Variants in MLYCD observed in about 807,000 individuals in gnomAD.
MLYCD encodes malonyl-CoA decarboxylase, mitochondrial.
MLYCD carries 27 observed loss-of-function variants against 35.8 expected under a neutral mutation model. The ratio of observed to expected loss-of-function variants is 0.75; its 90% CI spans 0.56 to 1.04. The LOEUF is 1.04. Ranked by LOEUF, MLYCD falls within the 50% of genes least tolerant of loss-of-function variation. The pLI, the probability that MLYCD is intolerant of heterozygous loss-of-function variation, is 0.00. For synonymous variants in MLYCD, 403 were observed against 302.4 expected, an observed-to-expected ratio of 1.33 and a Z score of -3.45; for missense variants, 917 against 665.1, an observed-to-expected ratio of 1.38 and a Z score of -4.17.
intron 1 of MLYCD, among the ~76,000 whole-genome samples, chr16:83,904,197 C>T (rs72791522): frequency 0.16 from 24,679 of 151,970 alleles, 2,602 homozygotes; most frequent in African/African-American, 0.31. Flanking sequence ...TTTCATATCA[C>T]GAATGTAAGA....
At chr16:83,911,205 C>G (rs1039325804) in intron 3 of MLYCD, among the ~76,000 whole-genome samples, 1 of 152,134 alleles carries the variant, frequency 6.6e-6, no homozygotes, top group Non-Finnish European at 1.5e-5. Context: ...GTCTCGATCT[C>G]CTGACCTCGT....
intron 3 of MLYCD, chr16:83,911,543 G>C (rs886374077): frequency 6.5e-6 from 1 of 153,936 alleles, no homozygotes; most frequent in Non-Finnish European, 1.4e-5. Context: ...AAACGCTGCC[G>C]TGAGAATGAG....
At position 83,923,449 on chromosome 16, in the gene MLYCD, A is replaced by T. The variant is rs1306227119; in HGVS notation, c.*7960A>T. 1 of 152,218 alleles carries T rather than the reference A, an allele frequency of 6.6e-6. No individual in the cohort carries two copies. Among genetic ancestry groups the T allele is most frequent in the Non-Finnish European group, 1.5e-5 (1 of 68,032 alleles). 9.4% of individuals were successfully genotyped at this position (152,218 alleles called of 1,614,324 possible). ...TTAGCGGACTCACAGAGGTGACCCT[A>T]GATCTCTGTCTCGCCTTTGTTTGGT... On this transcript the variant is annotated 3_prime_UTR_variant, in exon 5 of 5. Transcript: ENST00000262430.
rs149621170 is a variant in MLYCD, at chr16:83,919,053, CAG to C, written c.*3565_*3566del. 5,741 of 143,340 alleles carry C rather than the reference CAG, an allele frequency of 0.04. 291 individuals carry two copies. The highest frequency in any genetic ancestry group is 0.13 in the African/African-American group (4,802 of 38,200). The allele number at this position is 143,340 out of a possible 1,614,324, so 8.9% of individuals were successfully genotyped here. ...AGAACATACACGCAGTACACAGACACAGTGCACCGGAGAACACAGTGCACAGG... is the reference window on the plus strand; with the variant it reads ...AGAACATACACGCAGTACACAGACACTGCACCGGAGAACACAGTGCACAGG... On this transcript the variant is annotated 3_prime_UTR_variant, in exon 5 of 5. Coordinates refer to ENST00000262430, the MANE Select transcript of MLYCD (RefSeq NM_012213.3).
Position 83,915,094 on chromosome 16 carries a change from A to G in MLYCD, c.1087A>G (p.Ile363Val), listed in dbSNP as rs780166693. Residue 363 changes from isoleucine (I) to valine (V), a missense_variant, in exon 5 of 5, where the codon ATC becomes GTC. Transcript: ENST00000262430. ...ELFTDSECKE[I>V]SEITGGPINE... ...CTTTACAGATTCGGAATGTAAGGAA[A>G]TCTCGGAGATCACAGGTGGCCCCAT... 1 of 1,614,234 alleles carries G rather than the reference A, an allele frequency of 6.2e-7. No homozygotes were observed. The highest frequency in any genetic ancestry group is 1.1e-5 in the South Asian group (1 of 91,082).
rs776991011 is a variant in MLYCD at position 83,915,053 on chromosome 16, A to G, written c.1046A>G (p.His349Arg). Reference sequence around the variant, plus strand: ...CTTCTGAACTCGCAAACGAAGGAGCATGGGAGGAATGAACTCTTTACAGAT... The same window carrying G: ...CTTCTGAACTCGCAAACGAAGGAGCGTGGGAGGAATGAACTCTTTACAGAT... ...LGLLNSQTKE[H>R]GRNELFTDSE... is the part of the protein sequence containing the mutation. The change falls in exon 5 of 5, where the codon CAT becomes CGT. Residue 349 changes from histidine to arginine, a missense_variant. Coordinates refer to ENST00000262430, the MANE Select transcript of MLYCD (RefSeq NM_012213.3). 5 of 1,614,250 alleles carry G rather than the reference A, an allele frequency of 3.1e-6. No homozygotes were observed. Among genetic ancestry groups the G allele is most frequent in the Admixed American group, 3.3e-5 (2 of 60,028 alleles).
chr16:83,905,678 A>G (rs1906949420), intron 1 of MLYCD, among the ~76,000 whole-genome samples: 1 of 152,228 alleles, frequency 6.6e-6, no homozygotes, highest in African/African-American at 2.4e-5. Flanking sequence ...TGTCTTTTCA[A>G]GTTCCCCAAA....
chr16:83,911,984 A>T, intron 3 of MLYCD: 1 of 558,780 alleles, frequency 1.8e-6, no homozygotes, highest in Non-Finnish European at 3.2e-6. Context: ...TGAAAATTTC[A>T]AGAAACGATG....
chr16:83,905,331 G>C (rs1238534640), intron 1 of MLYCD, among the ~76,000 whole-genome samples: 2 of 152,160 alleles, frequency 1.3e-5, no homozygotes, highest in Non-Finnish European at 2.9e-5. Context: ...TCTTGTATCA[G>C]ATGTCCTGAG....
At chr16:83,902,631 G>A (rs570937025) in intron 1 of MLYCD, among the ~76,000 whole-genome samples, 2 of 150,518 alleles carry the variant, frequency 1.3e-5, no homozygotes, top group Non-Finnish European at 2.9e-5. Context: ...TCAGCCTCCT[G>A]AGTAGCTGGG....
chr16:83,908,418 TG>T, intron 3 of MLYCD, 136 bp downstream of exon 3: 1 of 1,168,990 alleles, frequency 8.6e-7, no homozygotes. Flanking sequence ...TTTTTTAAAT[TG>T]GTTAAATAAA....
intron 3 of MLYCD, among the ~76,000 whole-genome samples, chr16:83,908,985 C>G (rs1469174992): frequency 6.6e-6 from 1 of 152,102 alleles, no homozygotes. Context: ...GGATGATGGC[C>G]CATCACAAGA....
Position 83,924,506 on chromosome 16 carries a change from T to G in MLYCD, c.*9017T>G, listed in dbSNP as rs1180242470. 1 of 152,198 alleles carries G rather than the reference T, an allele frequency of 6.6e-6. No individual in the cohort carries two copies. Among genetic ancestry groups the G allele is most frequent in the Non-Finnish European group, 1.5e-5 (1 of 68,034 alleles). The allele number at this position is 152,198 out of a possible 1,614,324, so 9.4% of individuals were successfully genotyped here. On this transcript the variant is annotated 3_prime_UTR_variant, in exon 5 of 5. Transcript: ENST00000262430. ...TCTCTCACGTCTGTTGCCGTAAATCTGTCTCCATCGCCTGGCACATAGGAG... is the reference window on the plus strand; with the variant it reads ...TCTCTCACGTCTGTTGCCGTAAATCGGTCTCCATCGCCTGGCACATAGGAG...
chr16:83,902,181 A>G (rs970739458), intron 1 of MLYCD, among the ~76,000 whole-genome samples: 2 of 136,876 alleles, frequency 1.5e-5, no homozygotes, highest in Non-Finnish European at 3.1e-5. Flanking sequence ...ATATATATAT[A>G]TATATATATG....
intron 1 of MLYCD, among the ~76,000 whole-genome samples, chr16:83,901,854 T>C (rs1195244374): frequency 6.6e-6 from 1 of 152,168 alleles, no homozygotes; most frequent in Non-Finnish European, 1.5e-5. Flanking sequence ...CATTGCATAC[T>C]GTAATGCTAG....
chr16:83,910,116 C>T (rs541069983), intron 3 of MLYCD, among the ~76,000 whole-genome samples: 52 of 151,892 alleles, frequency 3.4e-4, no homozygotes, highest in African/African-American at 1.3e-3. Context: ...CCGAGAGCCT[C>T]TGAGACAGGC....
chr16:83,899,620 C>CCGGGG lies in MLYCD; in HGVS notation c.478_479insGGGCG (p.Asp160GlyfsTer21), dbSNP rs760768992. The stretch of plus-strand genomic sequence containing the variant: ...GTGCGCTTCCTGGTGCAGCTGCGGG[C>CCGGGG]CGACCTGCTGGAGGCGCAGGCCCTC... On this transcript the variant is annotated frameshift_variant, in exon 1 of 5. Coordinates refer to ENST00000262430, the MANE Select transcript of MLYCD (RefSeq NM_012213.3). LOFTEE classifies it high-confidence loss of function. The CCGGGG allele has an allele frequency of 1.9e-6, 3 of 1,571,096 alleles. No individual in the cohort carries two copies. The highest frequency in any genetic ancestry group is 2.6e-6 in the Non-Finnish European group (3 of 1,167,550).
At chr16:83,905,364 A>T (rs1176656061) in intron 1 of MLYCD, among the ~76,000 whole-genome samples, 6 of 152,218 alleles carry the variant, frequency 3.9e-5, no homozygotes, top group Non-Finnish European at 8.8e-5. Flanking sequence ...ATTTAATAAT[A>T]ATGTTCAGTG....
rs1907636453 is a variant in MLYCD, at chr16:83,921,004, G to C, written c.*5515G>C. The stretch of plus-strand genomic sequence containing the variant: ...AAGATGGATGGGTGGAAGGAAGATG[G>C]GTGGATGGATGGTGGAGGGTGGATA... On this transcript the variant is annotated 3_prime_UTR_variant, in exon 5 of 5. Coordinates refer to ENST00000262430, the MANE Select transcript of MLYCD (RefSeq NM_012213.3). 6.6e-6 allele frequency: 1 copy of C among 151,600 alleles called. No homozygotes were observed. The highest frequency in any genetic ancestry group is 2.4e-5 in the African/African-American group (1 of 41,208). The allele number at this position is 151,600 out of a possible 1,614,324, so 9.4% of individuals were successfully genotyped here.
Sources: allele counts gnomAD v4.1 joint callset (sites outside exome capture counted in the v4.1 genomes callset), GRCh38; gene constraint gnomAD v4.1.1; transcripts MANE v1.5; gene names NCBI Gene and HGNC (gene_info 2026-07-23, HGNC 2026-07-21).